The following FGGY variants were observed in gnomAD, a reference collection of about 807,000 sequenced individuals.
FGGY encodes the protein FGGY carbohydrate kinase domain-containing protein.
A neutral mutation model predicts 71.3 loss-of-function variants in FGGY; 72 were observed. The observed-to-expected ratio is 1.01, with a 90% CI of 0.84 to 1.23. The LOEUF (loss-of-function observed/expected upper bound fraction) is 1.23. FGGY is among the 50% of genes most tolerant of loss of function. The probability of loss-of-function intolerance (pLI) is 0.00; values close to 1 mark genes in which losing one functional copy is unlikely to be tolerated. For synonymous variants in FGGY, 251 were observed against 250.3 expected (o/e 1.00, Z -0.02); for missense variants, 668 against 682.3 (o/e 0.98, Z 0.23).
rs115206304 is a variant in FGGY, at chr1:59,554,119, C to T, written c.800-5C>T. 3.9e-4 allele frequency: 618 copies of T among 1,596,034 alleles called. 3 individuals are homozygous for T. The African/African-American group carries it at 7.5e-3, about 19-fold the overall frequency. On this transcript the variant is annotated splice_polypyrimidine_tract_variant and splice_region_variant and intron_variant, in intron 7 of 15. Transcript: ENST00000303721. ...AGGATTTGTTTTTGTTTTCCTTTCTCACAGGAGTGATTGGGGCAGATGTGA... is the reference window on the plus strand; with the variant it reads ...AGGATTTGTTTTTGTTTTCCTTTCTTACAGGAGTGATTGGGGCAGATGTGA...
At chr1:59,551,423 C>T (rs1338216718) in intron 7 of FGGY, among the ~76,000 whole-genome samples, 1 of 152,180 alleles carries the variant, frequency 6.6e-6, no homozygotes, top group East Asian at 1.9e-4. Flanking sequence ...TTTGCCTGTA[C>T]TTTATGTTTA....
intron 6 of FGGY, among the ~76,000 whole-genome samples, chr1:59,479,971 C>T (rs1487474504): frequency 6.6e-6 from 1 of 152,102 alleles, no homozygotes; most frequent in Non-Finnish European, 1.5e-5. Context: ...AATCTGTTAC[C>T]AAGTGCTGTC....
At chr1:59,574,468 G>A (rs975931663) in intron 8 of FGGY, among the ~76,000 whole-genome samples, 2 of 148,826 alleles carry the variant, frequency 1.3e-5, no homozygotes, top group African/African-American at 5.0e-5. Context: ...TTATTTTTTT[G>A]CCATATGAGT....
intron 8 of FGGY, among the ~76,000 whole-genome samples, chr1:59,598,182 G>A (rs562262810): frequency 6.6e-6 from 1 of 152,320 alleles, no homozygotes; most frequent in Admixed American, 6.5e-5. Flanking sequence ...ACAGCTCTCA[G>A]AGCTTTCAAA....
chr1:59,636,410 A>G (rs1263179843), intron 10 of FGGY, among the ~76,000 whole-genome samples: 1 of 152,176 alleles, frequency 6.6e-6, no homozygotes, highest in Non-Finnish European at 1.5e-5. Context: ...TCACGAGGTC[A>G]GGAGATTGAG....
chr1:59,363,823 G>A (rs1009483457), intron 4 of FGGY, among the ~76,000 whole-genome samples: 3 of 152,192 alleles, frequency 2.0e-5, no homozygotes, highest in Non-Finnish European at 2.9e-5. Context: ...TTTCTGTGAG[G>A]TTGGACCGTT....
At chr1:59,366,474 C>T (rs1034301245) in intron 4 of FGGY, among the ~76,000 whole-genome samples, 6 of 152,090 alleles carry the variant, frequency 3.9e-5, no homozygotes, top group African/African-American at 1.4e-4. Flanking sequence ...AAACCCTTTC[C>T]CCGCTCTGAG....
intron 9 of FGGY, among the ~76,000 whole-genome samples, chr1:59,618,537 C>G (rs375852514): frequency 6.6e-6 from 1 of 152,124 alleles, no homozygotes; most frequent in East Asian, 1.9e-4. Flanking sequence ...TGAGAAGCAA[C>G]TGTTGTCCGT....
rs117201592 is a variant in FGGY, at chr1:59,418,845, A to G, written c.555-38116A>G. On this transcript the variant is annotated intron_variant, in intron 5 of 15. Coordinates refer to ENST00000303721, the MANE Select transcript of FGGY (RefSeq NM_018291.5). ...CCTTATAGTGAAAAAGCAGCCTAAG[A>G]CAGGCCATAAATGAATGGACATGGC... 1.8e-4 allele frequency among the ~76,000 whole-genome samples: 27 copies of G among 152,260 alleles called. No individual in the cohort carries two copies. In the East Asian group the frequency reaches 5.0e-3, roughly 28 times the overall value.
chr1:59,335,621 TA>T (rs2049333335), intron 2 of FGGY, among the ~76,000 whole-genome samples: 1 of 152,234 alleles, frequency 6.6e-6, no homozygotes, highest in Admixed American at 6.5e-5. Context: ...GGCTGTATTT[TA>T]CATTTCCATC....
At chr1:59,334,326 T>C (rs929874515) in intron 2 of FGGY, among the ~76,000 whole-genome samples, 1 of 152,098 alleles carries the variant, frequency 6.6e-6, no homozygotes, top group African/African-American at 2.4e-5. Flanking sequence ...TATTTTTTAG[T>C]AGAGATGGGG....
intron 7 of FGGY, among the ~76,000 whole-genome samples, chr1:59,520,609 A>G (rs1461043937): frequency 2.0e-5 from 3 of 152,226 alleles, no homozygotes; most frequent in Non-Finnish European, 2.9e-5. Context: ...TGAAATCCAC[A>G]TAGCTGGTCT....
intron 2 of FGGY, among the ~76,000 whole-genome samples, chr1:59,337,908 G>A (rs918139606): frequency 6.6e-6 from 1 of 152,152 alleles, no homozygotes; most frequent in African/African-American, 2.4e-5. Flanking sequence ...GAATAGAAGT[G>A]GTAAAAGTGA....
At chr1:59,557,101 A>G (rs1297866642) in intron 8 of FGGY, among the ~76,000 whole-genome samples, 1 of 152,200 alleles carries the variant, frequency 6.6e-6, no homozygotes, top group African/African-American at 2.4e-5. Context: ...CCCAGCAACA[A>G]TAACACCTTT....
chr1:59,429,511 T>G (rs1401315835), intron 5 of FGGY, among the ~76,000 whole-genome samples: 1 of 152,142 alleles, frequency 6.6e-6, no homozygotes, highest in East Asian at 1.9e-4. Flanking sequence ...AAATGGTAAA[T>G]ATCAGGGAAT....
intron 11 of FGGY, 34 bp downstream of exon 11, chr1:59,638,409 G>A: frequency 1.2e-6 from 2 of 1,611,100 alleles, no homozygotes; most frequent in Admixed American, 1.7e-5. Flanking sequence ...CATGGGTGAA[G>A]GCAGGCCAAA....
chr1:59,377,374 A>G (rs144154423), intron 4 of FGGY, among the ~76,000 whole-genome samples: 2,722 of 152,302 alleles, frequency 0.018, 71 homozygotes, highest in African/African-American at 0.062. Context: ...TGGTGGAAGG[A>G]GAAGCAAACA....
At chr1:59,708,627 A>G (rs2097772406) in intron 14 of FGGY, among the ~76,000 whole-genome samples, 1 of 152,228 alleles carries the variant, frequency 6.6e-6, no homozygotes, top group Non-Finnish European at 1.5e-5. Context: ...GGTAGATATT[A>G]TTATCTTCAT....
chr1:59,669,857 GC>G (rs1435961679), intron 13 of FGGY, among the ~76,000 whole-genome samples: 1 of 152,210 alleles, frequency 6.6e-6, no homozygotes, highest in Non-Finnish European at 1.5e-5. Flanking sequence ...CCGCGCTGCA[GC>G]CCTGGACTTT....
Sources: gnomAD v4.1 joint callset for allele counts (sites outside exome capture counted in the v4.1 genomes callset) on GRCh38, gnomAD v4.1.1 for gene constraint, MANE v1.5 for transcripts, NCBI Gene and HGNC (gene_info 2026-07-23, HGNC 2026-07-21) for gene names.